DAP3: variants seen among roughly 807,000 people sequenced by gnomAD.
The protein encoded by DAP3 is death associated protein 3, also known as small ribosomal subunit protein mS29.
In DAP3, 28 loss-of-function variants were observed where a neutral mutation model predicts 51.9. The observed-to-expected ratio is 0.54, with a 90% confidence interval of 0.40 to 0.74. The LOEUF (loss-of-function observed/expected upper bound fraction) is 0.74. DAP3 is among the 30% of genes least tolerant of loss of function. DAP3 has a pLI of 0.00. For synonymous variants in DAP3, 170 were observed against 170.3 expected (o/e 1.00, Z 0.01); for missense variants, 458 against 483.5 (o/e 0.95, Z 0.49).
chr1:155,697,948 C>G (rs1311566655), intron 1 of DAP3, among the ~76,000 whole-genome samples: 2 of 152,130 alleles, frequency 1.3e-5, no homozygotes, highest in Non-Finnish European at 2.9e-5. Context: ...CAGGGTTATT[C>G]CTTGCTGAGA....
chr1:155,708,141 A>G (rs1379204123), intron 1 of DAP3, among the ~76,000 whole-genome samples: 1 of 152,134 alleles, frequency 6.6e-6, no homozygotes, highest in Non-Finnish European at 1.5e-5. Flanking sequence ...TCTGCCTCCC[A>G]GGTTCAAGGA....
intron 6 of DAP3, chr1:155,726,784 C>CAAA (rs530179771): frequency 8.8e-5 from 8 of 91,384 alleles, no homozygotes; most frequent in Admixed American, 1.4e-4. Context: ...GACCCTGTCT[C>CAAA]AAAAAAAAAA....
At chr1:155,705,050 G>A (rs151118627) in intron 1 of DAP3, among the ~76,000 whole-genome samples, 110 of 152,246 alleles carry the variant, frequency 7.2e-4, no homozygotes, top group African/African-American at 2.6e-3. Flanking sequence ...CCAGCACTTC[G>A]AGAGGCTGAG....
At chr1:155,724,624 C>A (rs1238960331) in intron 4 of DAP3, among the ~76,000 whole-genome samples, 1 of 132,860 alleles carries the variant, frequency 7.5e-6, no homozygotes, top group Non-Finnish European at 1.6e-5. Flanking sequence ...CAGAGTGAGA[C>A]TCTGTCTCAA....
intron 1 of DAP3, among the ~76,000 whole-genome samples, chr1:155,698,348 TATTA>T (rs1042150814): frequency 8.5e-5 from 13 of 152,312 alleles, no homozygotes; most frequent in Admixed American, 8.5e-4. Flanking sequence ...ATTATAAAAG[TATTA>T]ATTTAGGGAA....
intron 11 of DAP3, chr1:155,736,695 G>A (rs1009023572): frequency 2.2e-6 from 1 of 455,886 alleles, no homozygotes; most frequent in Non-Finnish European, 4.0e-6. Context: ...GGGATTACAG[G>A]TGTGAGTCAC....
chr1:155,721,378 GTGTATATATATATGTATGTATGTATA>G (rs1278465301), intron 3 of DAP3, 113 bp from the exon 4 acceptor site: 12 of 387,346 alleles, frequency 3.1e-5, no homozygotes, highest in Non-Finnish European at 4.5e-5. Context: ...ATGTATGTAT[GTGTATATATATATGTATGTATGTATA>G]TATATATATA....
At chr1:155,688,486 A>G, upstream of DAP3, 1 of 1,549,332 alleles carries the variant, frequency 6.5e-7, no homozygotes, top group Non-Finnish European at 8.7e-7. Context: ...GTCAGCCCGC[A>G]CGCGTACGAG....
chr1:155,704,101 T>G (rs1655664015), intron 1 of DAP3, among the ~76,000 whole-genome samples: 1 of 152,128 alleles, frequency 6.6e-6, no homozygotes, highest in Non-Finnish European at 1.5e-5. Flanking sequence ...GAGCCTAGAT[T>G]GTGCCACTGC....
In DAP3 at chr1:155,711,283, A is replaced by G. The variant is rs540973781; in HGVS notation, c.45+1459A>G. On this transcript the variant is annotated intron_variant, in intron 2 of 12. Transcript: ENST00000368336. ...CGAGGCAGGCAGATCACCTGAGGTC[A>G]GCAGTTTGAGACCAGCCTGGCCAAC... Among the ~76,000 whole-genome samples the G allele has an allele frequency of 4.9e-3, 749 of 152,300 alleles. 4 individuals are homozygous for G. The highest frequency in any genetic ancestry group is 9.7e-3 in the Admixed American group (149 of 15,290).
chr1:155,708,753 G>A (rs1656320745), intron 1 of DAP3, among the ~76,000 whole-genome samples: 1 of 144,548 alleles, frequency 6.9e-6, no homozygotes, highest in Non-Finnish European at 1.5e-5. Flanking sequence ...CGCCCAGGCT[G>A]GAGTGCAGTG....
intron 4 of DAP3, among the ~76,000 whole-genome samples, chr1:155,723,763 G>A (rs886310380): frequency 1.3e-5 from 2 of 152,196 alleles, no homozygotes; most frequent in African/African-American, 2.4e-5. Context: ...CACTGGCTGG[G>A]TACAATGGCT....
chr1:155,735,278 A>G (rs1183345747), intron 11 of DAP3, among the ~76,000 whole-genome samples: 2 of 145,340 alleles, frequency 1.4e-5, no homozygotes, highest in African/African-American at 5.2e-5. Context: ...AAAGAAAGAA[A>G]AAAATAAGTT....
intron 4 of DAP3, among the ~76,000 whole-genome samples, chr1:155,725,013 G>A (rs987817628): frequency 2.8e-4 from 42 of 151,884 alleles, no homozygotes; most frequent in African/African-American, 9.9e-4. Flanking sequence ...ATTAACTTGT[G>A]TCAGAAATTT....
intron 2 of DAP3, among the ~76,000 whole-genome samples, chr1:155,712,880 A>G (rs969794180): frequency 1.3e-5 from 2 of 152,132 alleles, no homozygotes; most frequent in Non-Finnish European, 2.9e-5. Flanking sequence ...CCAGCTAAAG[A>G]GGCATGGTGC....
At chr1:155,726,449 C>T (rs1658609228) in intron 6 of DAP3, among the ~76,000 whole-genome samples, 2 of 151,842 alleles carry the variant, frequency 1.3e-5, no homozygotes, top group Non-Finnish European at 2.9e-5. Flanking sequence ...CCACCATGCC[C>T]GGCTAATTTT....
rs975191251 is a variant in DAP3 at position 155,729,072 on chromosome 1, A to G, written c.634A>G (p.Lys212Glu). 6.2e-7 allele frequency: 1 copy of G among 1,613,950 alleles called. No homozygotes were observed. The highest frequency in any genetic ancestry group is 1.3e-5 in the African/African-American group (1 of 74,880). The change falls in exon 8 of 13, where the codon AAG becomes GAG. Residue 212 changes from lysine to glutamate, a missense_variant. Lys to Glu is a moderately conservative substitution (Grantham distance 56). Transcript: ENST00000368336. ...IKVQEKYVWN[K>E]RESTEKGSPL... Reference sequence around the variant, plus strand: ...AGTTCAAGAGAAGTATGTCTGGAATAAGAGAGAAAGCACTGAGAAAGGGAG... The same window carrying G: ...AGTTCAAGAGAAGTATGTCTGGAATGAGAGAGAAAGCACTGAGAAAGGGAG...
chr1:155,705,505 A>C (rs1655847560), intron 1 of DAP3, among the ~76,000 whole-genome samples: 1 of 150,796 alleles, frequency 6.6e-6, no homozygotes, highest in African/African-American at 2.4e-5. Context: ...TGAAAGGCTG[A>C]GGCAGGCGGA....
In DAP3 at chr1:155,726,327, C is replaced by T. The variant is rs531588491; in HGVS notation, c.472+308C>T. 347 of 164,136 alleles carry T rather than the reference C, an allele frequency of 2.1e-3. 1 individual carries two copies. Among genetic ancestry groups the T allele is most frequent in the Non-Finnish European group, 3.0e-3 (240 of 81,054 alleles). 10.2% of individuals were successfully genotyped at this position (164,136 alleles called of 1,614,324 possible). Reference sequence around the variant, plus strand: ...TTTTTGAGACGGAGTCTTGCTCTGTCGCCCAGGCTGGAGTGCAGTGGCACG... The same window carrying T: ...TTTTTGAGACGGAGTCTTGCTCTGTTGCCCAGGCTGGAGTGCAGTGGCACG... On this transcript the variant is annotated intron_variant, in intron 6 of 12. Transcript: ENST00000368336.
Sources: allele counts gnomAD v4.1 joint callset (sites outside exome capture counted in the v4.1 genomes callset), GRCh38; gene constraint gnomAD v4.1.1; transcripts MANE v1.5; gene names NCBI Gene and HGNC (gene_info 2026-07-23, HGNC 2026-07-21).